The following PTPN3 variants were observed in gnomAD, a reference collection of about 807,000 sequenced individuals.
PTPN3 encodes tyrosine-protein phosphatase non-receptor type 3.
Under a neutral mutation model 132.7 loss-of-function variants are expected in PTPN3, and 96 were observed. The ratio of observed to expected loss-of-function variants is 0.72; its 90% CI spans 0.61 to 0.86. PTPN3 has a LOEUF of 0.86. Among genes scored for constraint, PTPN3 ranks in the 40% least tolerant of loss-of-function variants. PTPN3 has a pLI of 0.00. For synonymous variants in PTPN3, 398 were observed against 429.0 expected (o/e 0.93, Z 0.89); for missense variants, 1,125 against 1,159.6 (o/e 0.97, Z 0.43).
intron 2 of PTPN3, among the ~76,000 whole-genome samples, chr9:109,459,073 A>C (rs557212828): frequency 6.6e-6 from 1 of 152,322 alleles, no homozygotes; most frequent in Admixed American, 6.5e-5. Context: ...TTCCTACTAC[A>C]TCTCCTCCTC....
rs555873138 is a variant in PTPN3, at chr9:109,389,746, C to T, written c.2107-367G>A. 1.7e-3 allele frequency among the ~76,000 whole-genome samples: 252 copies of T among 152,318 alleles called. 1 individual carries two copies. The highest frequency in any genetic ancestry group is 7.0e-4 in the African/African-American group (29 of 41,568). On this transcript the variant is annotated intron_variant, in intron 21 of 25. Coordinates refer to ENST00000374541, the MANE Select transcript of PTPN3 (RefSeq NM_002829.4). ...TCCTACCCCTAAGTCTTTCCCTATG[C>T]AGGGTTTTCTATCAAAATCTATTTA...
chr9:109,428,702 A>C lies in PTPN3; in HGVS notation c.765-18T>G. On this transcript the variant is annotated intron_variant, in intron 10 of 25. Coordinates refer to ENST00000374541, the MANE Select transcript of PTPN3 (RefSeq NM_002829.4). ...TGTTCACCCTTCAAAAAATAAAACA[A>C]AACACAAACAAAGCACATCAGGGAT... The C allele has an allele frequency of 6.2e-7, 1 of 1,609,000 alleles. No individual in the cohort carries two copies. The highest frequency in any genetic ancestry group is 8.5e-7 in the Non-Finnish European group (1 of 1,178,398).
chr9:109,408,508 G>T, intron 16 of PTPN3, 131 bp from the exon 17 acceptor site: 1 of 592,172 alleles, frequency 1.7e-6, no homozygotes, highest in Non-Finnish European at 2.9e-6. Context: ...GTACAGGGAG[G>T]CTTCAAACTT....
intron 7 of PTPN3, among the ~76,000 whole-genome samples, chr9:109,444,084 G>T (rs905629550): frequency 6.6e-6 from 1 of 152,000 alleles, no homozygotes; most frequent in Admixed American, 6.6e-5. Context: ...GTGTAGTTCA[G>T]CCAGTGCCTG....
chr9:109,415,077 A>AGTCCGT lies in PTPN3; in HGVS notation c.1314-4663_1314-4662insACGGAC, dbSNP rs1564413770. ...ATCCGTCCATCCGTCCGTCCATCCA[A>AGTCCGT]CCATCCATCCATCCATCCATCCATC... On this transcript the variant is annotated intron_variant, in intron 14 of 25. Coordinates refer to ENST00000374541, the MANE Select transcript of PTPN3 (RefSeq NM_002829.4). 7.7e-3 allele frequency among the ~76,000 whole-genome samples: 963 copies of AGTCCGT among 125,046 alleles called. 9 individuals carry two copies. The highest frequency in any genetic ancestry group is 0.029 in the Middle Eastern group (7 of 242). 82.0% of individuals were successfully genotyped at this position (125,046 alleles called of 152,430 possible).
intron 14 of PTPN3, among the ~76,000 whole-genome samples, chr9:109,410,882 C>T (rs1588360313): frequency 6.6e-6 from 1 of 152,168 alleles, no homozygotes; most frequent in Non-Finnish European, 1.5e-5. Context: ...TGTTGTTGTG[C>T]GTTCAGGAGA....
chr9:109,471,968 A>T (rs1486041415), intron 1 of PTPN3, among the ~76,000 whole-genome samples: 6 of 152,148 alleles, frequency 3.9e-5, no homozygotes. Context: ...GGGCATCCTT[A>T]TGTCAGTTTT....
chr9:109,398,997 A>G (rs1486268550), intron 19 of PTPN3, among the ~76,000 whole-genome samples: 3 of 152,186 alleles, frequency 2.0e-5, no homozygotes, highest in Non-Finnish European at 4.4e-5. Flanking sequence ...CCTTGGCTAC[A>G]CAAAGAGTAT....
the PTPN3 span, among the ~76,000 whole-genome samples, chr9:109,518,228 A>C: frequency 4.3e-4 from 65 of 152,350 alleles, no homozygotes; most frequent in African/African-American, 1.5e-3. Context: ...TTCTGGGCTC[A>C]GTTCAATTCA....
At position 109,377,714 on chromosome 9, in the gene PTPN3, C is replaced by A. The variant is rs1246606362; in HGVS notation, c.*1842G>T. 2.0e-5 allele frequency: 3 copies of A among 152,196 alleles called. No individual in the cohort carries two copies. The highest frequency in any genetic ancestry group is 4.4e-5 in the Non-Finnish European group (3 of 68,030). 9.4% of individuals were successfully genotyped at this position (152,196 alleles called of 1,614,324 possible). The stretch of plus-strand genomic sequence containing the variant: ...AACTCACCCACAGCAGTGTCTGTTG[C>A]TGTTCTAGCCGATAAAAAGTCACAT... On this transcript the variant is annotated 3_prime_UTR_variant, in exon 26 of 26. Coordinates refer to ENST00000374541, the MANE Select transcript of PTPN3 (RefSeq NM_002829.4).
At chr9:109,449,361 C>T (rs1845089020) in intron 5 of PTPN3, 2 of 986,452 alleles carry the variant, frequency 2.0e-6, no homozygotes, top group South Asian at 4.7e-5. Context: ...TACAAACCCC[C>T]AGGTGAGCAT....
chr9:109,538,054 T>C, the PTPN3 span, among the ~76,000 whole-genome samples: 2 of 152,366 alleles, frequency 1.3e-5, no homozygotes, highest in East Asian at 1.9e-4. Context: ...GGAGTTCCTA[T>C]GCAATGGCTG....
intron 9 of PTPN3, 78 bp downstream of exon 9, chr9:109,436,805 C>A: frequency 6.6e-7 from 1 of 1,521,558 alleles, no homozygotes; most frequent in Non-Finnish European, 8.8e-7. Flanking sequence ...GAAATAGTTT[C>A]ATCAAAGAAT....
chr9:109,388,028 C>T (rs769622670), intron 22 of PTPN3, among the ~76,000 whole-genome samples: 7 of 152,130 alleles, frequency 4.6e-5, no homozygotes, highest in African/African-American at 7.2e-5. Context: ...AGTAGCACAG[C>T]GAGGCTGGGG....
At chr9:109,379,936 T>G (rs190150952) in intron 25 of PTPN3, among the ~76,000 whole-genome samples, 1 of 152,098 alleles carries the variant, frequency 6.6e-6, no homozygotes, top group Non-Finnish European at 1.5e-5. Flanking sequence ...TGTGGAAGCC[T>G]CAGTAAGAGC....
Position 109,415,085 on chromosome 9 carries a change from T to A in PTPN3, c.1314-4670A>T, listed in dbSNP as rs964420534. Among the ~76,000 whole-genome samples the A allele has an allele frequency of 6.3e-3, 913 of 144,250 alleles. 9 individuals carry two copies. Among genetic ancestry groups the A allele is most frequent in the Middle Eastern group, 0.025 (7 of 284 alleles). The allele number at this position is 144,250 out of a possible 152,430, so 94.6% of individuals were successfully genotyped here. A position where few individuals can be genotyped will look rare whatever the true frequency, so the allele number is the denominator to read the frequency against. The stretch of plus-strand genomic sequence containing the variant: ...ATCCGTCCGTCCATCCAACCATCCA[T>A]CCATCCATCCATCCATCCATCCATC... On this transcript the variant is annotated intron_variant, in intron 14 of 25. Transcript: ENST00000374541.
chr9:109,497,755 C>T (rs1004770742), intron 1 of PTPN3, among the ~76,000 whole-genome samples: 2 of 152,074 alleles, frequency 1.3e-5, no homozygotes, highest in African/African-American at 4.8e-5. Context: ...CTTTGAAAGC[C>T]GAGAGGCGGA....
intron 21 of PTPN3, 126 bp from the exon 22 acceptor site, chr9:109,389,505 A>T: frequency 1.0e-6 from 1 of 972,848 alleles, no homozygotes; most frequent in Non-Finnish European, 1.5e-6. Context: ...ATCAATTCAC[A>T]GCCAATAAGG....
rs1317029214 is a variant in PTPN3 at position 109,379,196 on chromosome 9, C to T, written c.*360G>A. On this transcript the variant is annotated 3_prime_UTR_variant, in exon 26 of 26. Coordinates refer to ENST00000374541, the MANE Select transcript of PTPN3 (RefSeq NM_002829.4). The stretch of plus-strand genomic sequence containing the variant: ...TCCAAATGACCCAAGATAACCACAC[C>T]ATCTTGTTGCTGGGAGGACAACAGC... 1.9e-5 allele frequency: 4 copies of T among 207,122 alleles called. No individual in the cohort carries two copies. Among genetic ancestry groups the T allele is most frequent in the East Asian group, 1.3e-4 (1 of 7,948 alleles). 12.8% of individuals were successfully genotyped at this position (207,122 alleles called of 1,614,324 possible).
Sources: allele counts gnomAD v4.1 joint callset (sites outside exome capture counted in the v4.1 genomes callset), GRCh38; gene constraint gnomAD v4.1.1; transcripts MANE v1.5; gene names NCBI Gene and HGNC (gene_info 2026-07-23, HGNC 2026-07-21).